Variants in GNPTAB observed in about 807,000 individuals in gnomAD.
The protein encoded by GNPTAB is N-acetylglucosamine-1-phosphotransferase subunits alpha/beta.
A neutral mutation model predicts 136.6 loss-of-function variants in GNPTAB; 92 were observed. The observed-to-expected ratio is 0.67, with a 90% CI of 0.57 to 0.80. The LOEUF (loss-of-function observed/expected upper bound fraction) is 0.80, where lower values mean the gene tolerates loss of function less well. Among genes scored for constraint, GNPTAB ranks in the 30% least tolerant of loss-of-function variants. GNPTAB has a pLI of 0.00. For missense variants in GNPTAB, 1,343 were observed against 1,501.8 expected, an observed-to-expected ratio of 0.89 and a Z score of 1.75; for synonymous variants, 512 against 535.1, an observed-to-expected ratio of 0.96 and a Z score of 0.60.
rs149819934 is a variant in GNPTAB at position 101,780,115 on chromosome 12, T to A, written c.771+37A>T. ...AAAAGAATCACACATTAAATGAGAA[T>A]GTGCCAGGCTAATTGCTCTATTTTC... On this transcript the variant is annotated intron_variant, in intron 7 of 20. Transcript: ENST00000299314. 6.1e-5 allele frequency: 97 copies of A among 1,591,490 alleles called. No individual in the cohort carries two copies. In the African/African-American group the frequency reaches 1.0e-3, roughly 17 times the overall value.
chr12:101,805,592 C>T (rs1302847699), intron 1 of GNPTAB, among the ~76,000 whole-genome samples: 1 of 152,184 alleles, frequency 6.6e-6, no homozygotes, highest in Non-Finnish European at 1.5e-5. Context: ...GATGGGGTTT[C>T]ACCACATTGC....
At chr12:101,795,944 G>C in intron 2 of GNPTAB, 1 of 330,866 alleles carries the variant, frequency 3.0e-6, no homozygotes, top group South Asian at 9.5e-5. Context: ...TCTGAGGTCT[G>C]TCTTGTGAAG....
chr12:101,788,923 G>A (rs928302692), intron 3 of GNPTAB, among the ~76,000 whole-genome samples: 1 of 152,182 alleles, frequency 6.6e-6, no homozygotes, highest in African/African-American at 2.4e-5. Context: ...CCAGAAGTCC[G>A]CTGTAACTTT....
intron 1 of GNPTAB, among the ~76,000 whole-genome samples, chr12:101,803,172 T>C (rs1869742034): frequency 6.6e-6 from 1 of 152,120 alleles, no homozygotes; most frequent in Non-Finnish European, 1.5e-5. Context: ...CCCTCTAACC[T>C]TGTCTTCCCT....
In GNPTAB at chr12:101,770,002, C is replaced by T. The variant is rs1469964410; in HGVS notation, c.1284+19G>A. The T allele has an allele frequency of 1.2e-6, 2 of 1,611,796 alleles. No homozygotes were observed. Among genetic ancestry groups the T allele is most frequent in the African/African-American group, 1.3e-5 (1 of 74,886 alleles). ...AGTGACTTCCACGCTAGACAACCCC[C>T]CTCCTCTTAGGCACTCACCTTCTGG... On this transcript the variant is annotated intron_variant, in intron 10 of 20. Coordinates refer to ENST00000299314, the MANE Select transcript of GNPTAB (RefSeq NM_024312.5).
At chr12:101,779,229 T>C (rs1953303146) in intron 7 of GNPTAB, 1 of 152,164 alleles carries the variant, frequency 6.6e-6, no homozygotes, top group Non-Finnish European at 1.5e-5. Flanking sequence ...CTAAACCCAG[T>C]GGCAGAACTC....
intron 15 of GNPTAB, among the ~76,000 whole-genome samples, 195 bp from the exon 16 acceptor site, chr12:101,760,338 T>A (rs910501895): frequency 6.6e-6 from 1 of 152,208 alleles, no homozygotes; most frequent in African/African-American, 2.4e-5. Flanking sequence ...ATATTTCATC[T>A]TCATCTCAAA....
intron 1 of GNPTAB, among the ~76,000 whole-genome samples, chr12:101,820,344 G>C (rs1870729958): frequency 6.6e-6 from 1 of 152,194 alleles, no homozygotes; most frequent in Non-Finnish European, 1.5e-5. Flanking sequence ...GGAACATAAG[G>C]ACTGGAGGAT....
At chr12:101,794,487 AAAAT>A (rs1869171084) in intron 2 of GNPTAB, among the ~76,000 whole-genome samples, 1 of 150,614 alleles carries the variant, frequency 6.6e-6, no homozygotes, top group South Asian at 2.1e-4. Flanking sequence ...CATCTCTATT[AAAAT>A]AAATAAATTT....
At chr12:101,781,357 G>T (rs1953340682) in intron 5 of GNPTAB, among the ~76,000 whole-genome samples, 1 of 152,128 alleles carries the variant, frequency 6.6e-6, no homozygotes, top group African/African-American at 2.4e-5. Flanking sequence ...TGTCAATCCT[G>T]GGCATGAGTC....
chr12:101,769,331 T>C (rs752585987), intron 10 of GNPTAB, among the ~76,000 whole-genome samples: 8 of 152,164 alleles, frequency 5.3e-5, no homozygotes, highest in Admixed American at 1.3e-4. Flanking sequence ...TTAAATGAAA[T>C]TACATCTATA....
intron 1 of GNPTAB, among the ~76,000 whole-genome samples, chr12:101,829,889 C>T (rs144266789): frequency 1.3e-4 from 19 of 151,822 alleles, no homozygotes; most frequent in Non-Finnish European, 2.5e-4. Flanking sequence ...TTACAGACAG[C>T]ACCTTCTCTT....
chr12:101,775,885 G>C (rs560308483), intron 7 of GNPTAB, among the ~76,000 whole-genome samples: 13 of 151,766 alleles, frequency 8.6e-5, no homozygotes, highest in African/African-American at 2.9e-4. Flanking sequence ...GAGCTTTGAG[G>C]GGGGCAGAGT....
intron 1 of GNPTAB, among the ~76,000 whole-genome samples, chr12:101,809,593 G>A (rs894246574): frequency 2.0e-5 from 3 of 152,216 alleles, no homozygotes; most frequent in African/African-American, 7.2e-5. Context: ...GAGCCATCAA[G>A]TCATGAAGAG....
chr12:101,770,254 T>C, intron 9 of GNPTAB, 63 bp from the exon 10 acceptor site: 2 of 1,568,068 alleles, frequency 1.3e-6, no homozygotes, highest in Non-Finnish European at 1.8e-6. Context: ...GGTTTAGTTT[T>C]TGAAAGGAAG....
intron 1 of GNPTAB, among the ~76,000 whole-genome samples, chr12:101,812,148 G>A (rs900618002): frequency 1.3e-5 from 2 of 152,050 alleles, no homozygotes; most frequent in South Asian, 4.1e-4. Context: ...GGGAGGCTGA[G>A]GCAGAAGAAC....
intron 4 of GNPTAB, among the ~76,000 whole-genome samples, chr12:101,787,552 A>T (rs1052704365): frequency 3.9e-5 from 6 of 152,158 alleles, no homozygotes; most frequent in Non-Finnish European, 7.3e-5. Context: ...AAAACCATTT[A>T]AAAAACAGTA....
intron 1 of GNPTAB, chr12:101,810,468 CAT>C (rs1182779530): frequency 2.2e-5 from 3 of 133,564 alleles, no homozygotes; most frequent in Non-Finnish European, 4.9e-5. Flanking sequence ...CACACACACA[CAT>C]ATATATAAAC....
At chr12:101,769,733 C>T (rs887291426) in intron 10 of GNPTAB, among the ~76,000 whole-genome samples, 4 of 151,994 alleles carry the variant, frequency 2.6e-5, no homozygotes, top group African/African-American at 9.7e-5. Flanking sequence ...CCCTACTCCC[C>T]CCACGGCCCC....
Sources: allele counts gnomAD v4.1 joint callset (sites outside exome capture counted in the v4.1 genomes callset), GRCh38; gene constraint gnomAD v4.1.1; transcripts MANE v1.5; gene names NCBI Gene and HGNC (gene_info 2026-07-23, HGNC 2026-07-21).